The following ITGB8 variants were observed in gnomAD, a reference collection of about 807,000 sequenced individuals.
The protein encoded by ITGB8 is integrin beta-8.
Under a neutral mutation model 89.5 loss-of-function variants are expected in ITGB8, and 30 were observed. The ratio of observed to expected loss-of-function variants is 0.34; its 90% CI spans 0.25 to 0.45. The LOEUF (loss-of-function observed/expected upper bound fraction) is 0.45. Among genes scored for constraint, ITGB8 ranks in the 20% least tolerant of loss-of-function variants. ITGB8 has a pLI of 1.00. For missense variants in ITGB8, 836 were observed against 933.3 expected (o/e 0.90, Z 1.36); for synonymous variants, 335 against 320.4 (o/e 1.05, Z -0.49).
At position 20,403,874 on chromosome 7, in the gene ITGB8, G is replaced by A. The variant is rs187116331; in HGVS notation, c.1688-754G>A. On this transcript the variant is annotated intron_variant, in intron 10 of 13. Transcript: ENST00000222573. The stretch of plus-strand genomic sequence containing the variant: ...CATGTGAAATGTACCCCCTTTTGAC[G>A]ATTTCTAGTGCACATTGGCATATTA... Among the ~76,000 whole-genome samples the A allele has an allele frequency of 5.3e-5, 8 of 152,178 alleles. No homozygotes were observed. In the East Asian group the frequency reaches 7.7e-4, roughly 15 times the overall value.
At position 20,391,516 on chromosome 7, in the gene ITGB8, A is replaced by C. The variant is rs751810010; in HGVS notation, c.1056+18A>C. ...GGTATAAGGTATGTTAACTCTGAAA[A>C]TGTTAAAATTAAATTTTTTTCATTG... On this transcript the variant is annotated intron_variant, in intron 7 of 13. Transcript: ENST00000222573. The C allele has an allele frequency of 1.5e-6, 2 of 1,363,274 alleles. No homozygotes were observed. Among genetic ancestry groups the C allele is most frequent in the East Asian group, 4.8e-5 (2 of 41,880 alleles). 84.4% of individuals were successfully genotyped at this position (1,363,274 alleles called of 1,614,324 possible). A position where few individuals can be genotyped will look rare whatever the true frequency, so the allele number is the denominator to read the frequency against.
Position 20,331,292 on chromosome 7 carries a change from A to C in ITGB8, c.-515A>C, listed in dbSNP as rs1186907370. 2.8e-6 allele frequency: 1 copy of C among 356,492 alleles called. No homozygotes were observed. Among genetic ancestry groups the C allele is most frequent in the South Asian group, 1.5e-4 (1 of 6,690 alleles). The allele number at this position is 356,492 out of a possible 1,614,324, so 22.1% of individuals were successfully genotyped here. On this transcript the variant is annotated 5_prime_UTR_variant, in exon 1 of 14. Transcript: ENST00000222573. ...AAGCAACTGCGCTGATTGATGCGCC[A>C]CAGACTTTTTTCCCCTCGACCTCGC...
intron 9 of ITGB8, among the ~76,000 whole-genome samples, chr7:20,400,468 T>C (rs1189695080): frequency 2.0e-5 from 3 of 152,222 alleles, no homozygotes; most frequent in Admixed American, 1.3e-4. Flanking sequence ...TAATGTTTCA[T>C]GTATATATAA....
At chr7:20,375,294 T>G (rs984074344) in intron 3 of ITGB8, among the ~76,000 whole-genome samples, 7 of 151,982 alleles carry the variant, frequency 4.6e-5, no homozygotes, top group Admixed American at 1.3e-4. Context: ...TGTTTAGTGG[T>G]AAGAATTGAT....
intron 1 of ITGB8, among the ~76,000 whole-genome samples, chr7:20,336,162 C>A (rs550806671): frequency 6.6e-6 from 1 of 152,086 alleles, no homozygotes; most frequent in East Asian, 1.9e-4. Flanking sequence ...CCCGCCACCA[C>A]GCCCGGCTAA....
chr7:20,371,795 CA>C (rs1264165867), intron 3 of ITGB8, among the ~76,000 whole-genome samples: 1 of 152,178 alleles, frequency 6.6e-6, no homozygotes, highest in Non-Finnish European at 1.5e-5. Context: ...GCATTCCTGG[CA>C]GTAGATCTGC....
In ITGB8 at chr7:20,410,897, G is replaced by C. The variant is rs529910176; in HGVS notation, c.*900G>C. ...CCTGGTAAACTGAAGGGATTGTTTG[G>C]CCATTTCATTTATCTTATCATTAAT... On this transcript the variant is annotated 3_prime_UTR_variant, in exon 14 of 14. Coordinates refer to ENST00000222573, the MANE Select transcript of ITGB8 (RefSeq NM_002214.3). 3.9e-5 allele frequency: 6 copies of C among 152,634 alleles called. 1 individual carries two copies. The East Asian group carries it at 1.2e-3, about 30-fold the overall frequency. 9.5% of individuals were successfully genotyped at this position (152,634 alleles called of 1,614,324 possible).
At chr7:20,355,385 T>C (rs1488543900) in intron 1 of ITGB8, among the ~76,000 whole-genome samples, 1 of 152,234 alleles carries the variant, frequency 6.6e-6, no homozygotes, top group East Asian at 1.9e-4. Flanking sequence ...CTCTAGGGTC[T>C]TTCTCAGGGG....
intron 6 of ITGB8, among the ~76,000 whole-genome samples, chr7:20,390,288 G>A (rs980104337): frequency 6.6e-6 from 1 of 152,124 alleles, no homozygotes; most frequent in African/African-American, 2.4e-5. Context: ...CAGTGAATGA[G>A]GAGAGACTAC....
chr7:20,399,093 C>T, intron 9 of ITGB8, 99 bp downstream of exon 9: 1 of 1,217,950 alleles, frequency 8.2e-7, no homozygotes, highest in Non-Finnish European at 1.1e-6. Flanking sequence ...TTACTTACTA[C>T]TGACTCTAAG....
chr7:20,343,452 A>G (rs1784827499), intron 1 of ITGB8, among the ~76,000 whole-genome samples: 3 of 152,176 alleles, frequency 2.0e-5, no homozygotes, highest in Admixed American at 1.3e-4. Flanking sequence ...TCCATTTCAT[A>G]GCACTCTTGT....
At chr7:20,365,218 G>A (rs532307634) in intron 2 of ITGB8, 1 of 152,472 alleles carries the variant, frequency 6.6e-6, no homozygotes, top group East Asian at 1.9e-4. Context: ...GCTAAGTCAA[G>A]GAGAAAGGAG....
At chr7:20,377,546 C>G (rs1259613436) in intron 3 of ITGB8, 2 of 152,206 alleles carry the variant, frequency 1.3e-5, no homozygotes, top group African/African-American at 4.8e-5. Flanking sequence ...TTTAATTTCT[C>G]CACTCAAATT....
At chr7:20,396,022 A>G (rs1787059522) in intron 8 of ITGB8, among the ~76,000 whole-genome samples, 1 of 152,190 alleles carries the variant, frequency 6.6e-6, no homozygotes, top group Admixed American at 6.5e-5. Context: ...AGAGTTTAAT[A>G]GTTAAATTAT....
chr7:20,383,595 C>A (rs1324078113), intron 6 of ITGB8, among the ~76,000 whole-genome samples: 1 of 152,024 alleles, frequency 6.6e-6, no homozygotes, highest in Non-Finnish European at 1.5e-5. Flanking sequence ...TGAAGTTTTG[C>A]CAAGTCACTG....
intron 5 of ITGB8, 103 bp downstream of exon 5, chr7:20,380,934 G>A: frequency 1.0e-6 from 1 of 1,000,268 alleles, no homozygotes; most frequent in Non-Finnish European, 1.5e-6. Flanking sequence ...ACGTAGTGTA[G>A]AAGAAAACAT....
At chr7:20,371,397 G>C (rs2127951880) in intron 3 of ITGB8, among the ~76,000 whole-genome samples, 1 of 152,122 alleles carries the variant, frequency 6.6e-6, no homozygotes, top group Non-Finnish European at 1.5e-5. Flanking sequence ...ATTTTACTCT[G>C]GCAGGTTGTT....
chr7:20,388,862 C>G (rs1786740184), intron 6 of ITGB8, among the ~76,000 whole-genome samples: 1 of 152,150 alleles, frequency 6.6e-6, no homozygotes, highest in Non-Finnish European at 1.5e-5. Context: ...GTTCATCTCC[C>G]ACTTATGAGT....
chr7:20,389,837 A>AG (rs1035213937), intron 6 of ITGB8, among the ~76,000 whole-genome samples: 9 of 58,572 alleles, frequency 1.5e-4, no homozygotes, highest in South Asian at 7.5e-4. Flanking sequence ...GTGTTTTTGG[A>AG]GTTTTTTTTT....
Sources: allele counts gnomAD v4.1 joint callset (sites outside exome capture counted in the v4.1 genomes callset), GRCh38; gene constraint gnomAD v4.1.1; transcripts MANE v1.5; gene names NCBI Gene and HGNC (gene_info 2026-07-23, HGNC 2026-07-21).